The following CLTC variants were observed in gnomAD, a reference collection of about 807,000 sequenced individuals.
CLTC encodes the protein clathrin heavy chain.
A neutral mutation model predicts 195.8 loss-of-function variants in CLTC; 16 were observed. The ratio of observed to expected loss-of-function variants is 0.08; its 90% CI spans 0.06 to 0.12. The LOEUF (loss-of-function observed/expected upper bound fraction) is 0.12. CLTC is among the 10% of genes least tolerant of loss of function. The pLI, the probability that CLTC is intolerant of heterozygous loss-of-function variation, is 1.00. For synonymous variants in CLTC, 667 were observed against 689.4 expected, an observed-to-expected ratio of 0.97 and a Z score of 0.51; for missense variants, 796 against 2,027.0, an observed-to-expected ratio of 0.39 and a Z score of 11.66.
intron 10 of CLTC, among the ~76,000 whole-genome samples, chr17:59,665,378 CATCTT>C (rs1272159448): frequency 6.6e-6 from 1 of 152,100 alleles, no homozygotes; most frequent in Non-Finnish European, 1.5e-5. Context: ...GCAAAACAAA[CATCTT>C]ATTTAGAGAT....
At position 59,681,276 on chromosome 17, in the gene CLTC, ATT is replaced by A; in HGVS notation, c.3066-18_3066-17del. On this transcript the variant is annotated splice_polypyrimidine_tract_variant and intron_variant, in intron 19 of 31. Coordinates refer to ENST00000269122, the MANE Select transcript of CLTC (RefSeq NM_004859.4). The surrounding 1 kb of genome is among the most constrained non-coding windows in gnomAD (Gnocchi z 5.0). ...AAACTTAAAATATTGCATTTAAAATATTCTTTTTTTTCTTAAAGGAATCTGCA... is the reference window on the plus strand; with the variant it reads ...AAACTTAAAATATTGCATTTAAAATACTTTTTTTTCTTAAAGGAATCTGCA... 6.3e-7 allele frequency: 1 copy of A among 1,584,276 alleles called. No homozygotes were observed. The highest frequency in any genetic ancestry group is 1.4e-5 in the African/African-American group (1 of 73,418).
chr17:59,624,466 T>G (rs941463456), intron 1 of CLTC, among the ~76,000 whole-genome samples: 1 of 142,936 alleles, frequency 7.0e-6, no homozygotes, highest in East Asian at 2.1e-4. Flanking sequence ...TTTTTTTTTT[T>G]TTTTTTTTTT....
intron 16 of CLTC, among the ~76,000 whole-genome samples, chr17:59,676,057 T>C (rs887940839): frequency 7.9e-5 from 12 of 152,200 alleles, no homozygotes; most frequent in African/African-American, 2.9e-4. Flanking sequence ...AAAAGAGGCT[T>C]GGGCCAGGCG....
At chr17:59,672,545 TAGTGC>T (rs1163147215) in intron 14 of CLTC, among the ~76,000 whole-genome samples, 1 of 152,198 alleles carries the variant, frequency 6.6e-6, no homozygotes, top group African/African-American at 2.4e-5. Flanking sequence ...TAACAGCTAT[TAGTGC>T]AGAGTTTCCA....
Position 59,685,819 on chromosome 17 carries a change from T to A in CLTC, c.4827+11T>A. ...GAGTACTTGACAAAGGTAATGACTCTTCTAAGTGTATTCAGAACTAGTTTC... is the reference window on the plus strand; with the variant it reads ...GAGTACTTGACAAAGGTAATGACTCATCTAAGTGTATTCAGAACTAGTTTC... On this transcript the variant is annotated intron_variant, in intron 30 of 31. Coordinates refer to ENST00000269122, the MANE Select transcript of CLTC (RefSeq NM_004859.4). This position sits in a 1 kb window ranked among gnomAD's most constrained non-coding sequence, Gnocchi z 5.0. The A allele has an allele frequency of 6.3e-7, 1 of 1,589,168 alleles. No individual in the cohort carries two copies. Among genetic ancestry groups the A allele is most frequent in the Non-Finnish European group, 8.6e-7 (1 of 1,162,870 alleles).
At chr17:59,620,737 T>C (rs1412813455) in intron 1 of CLTC, among the ~76,000 whole-genome samples, 1 of 152,040 alleles carries the variant, frequency 6.6e-6, no homozygotes, top group Non-Finnish European at 1.5e-5. Flanking sequence ...GGCGGTGGCT[T>C]TTCTCTTGCC....
chr17:59,640,040 T>C (rs771442485), intron 1 of CLTC, among the ~76,000 whole-genome samples: 4 of 152,216 alleles, frequency 2.6e-5, no homozygotes, highest in Non-Finnish European at 5.9e-5. Context: ...GAATACTTTA[T>C]GGTTACTATG....
chr17:59,659,485 C>T (rs1181745182), intron 6 of CLTC, among the ~76,000 whole-genome samples: 3 of 147,318 alleles, frequency 2.0e-5, no homozygotes, highest in Non-Finnish European at 4.5e-5. Flanking sequence ...GAGTCTCCCT[C>T]TGTTGCCCAG....
intron 2 of CLTC, among the ~76,000 whole-genome samples, chr17:59,645,018 C>T (rs566512495): frequency 5.3e-5 from 8 of 152,166 alleles, no homozygotes; most frequent in African/African-American, 1.9e-4. Flanking sequence ...CATATATCTA[C>T]TTAGAATAAT....
intron 16 of CLTC, 122 bp from the exon 17 acceptor site, chr17:59,676,832 G>A (rs2032977048): frequency 1.4e-6 from 1 of 714,620 alleles, no homozygotes; most frequent in Non-Finnish European, 2.3e-6. Flanking sequence ...ATACTCGGGG[G>A]GCGGGGAAAA....
At chr17:59,693,442 G>A (rs955334285) in intron 31 of CLTC, among the ~76,000 whole-genome samples, 1 of 150,294 alleles carries the variant, frequency 6.7e-6, no homozygotes, top group Non-Finnish European at 1.5e-5. Context: ...AGTGTAATAT[G>A]CATGTAGGTA....
intron 30 of CLTC, among the ~76,000 whole-genome samples, chr17:59,687,572 A>G (rs1409040762): frequency 6.6e-6 from 1 of 151,670 alleles, no homozygotes; most frequent in Non-Finnish European, 1.5e-5. Flanking sequence ...TAGATACGAG[A>G]GATACTAGCT....
rs746104592 is a variant in CLTC at position 59,661,565 on chromosome 17, C to T, written c.1290C>T (p.Tyr430=). Residue 430 remains tyrosine (Y), a synonymous_variant, in exon 8 of 32, where the codon TAC becomes TAT. Transcript: ENST00000269122. The part of the protein sequence containing the change: ...ILLDQGQLNK[Y]ESLELCRPVL... ...TGGACCAGGGACAGCTCAACAAATA[C>T]GAATCCTTAGAGCTTTGTAGGCCTG... 24 of 1,613,962 alleles carry T rather than the reference C, an allele frequency of 1.5e-5. No individual in the cohort carries two copies. The highest frequency in any genetic ancestry group is 1.0e-4 in the Admixed American group (6 of 59,996).
intron 1 of CLTC, among the ~76,000 whole-genome samples, chr17:59,640,640 C>T (rs2032001563): frequency 6.6e-6 from 1 of 151,644 alleles, no homozygotes. Context: ...CCTCGTGATC[C>T]ACGCCCCCTT....
intron 1 of CLTC, among the ~76,000 whole-genome samples, chr17:59,630,569 C>T (rs754619534): frequency 2.6e-4 from 39 of 152,158 alleles, no homozygotes; most frequent in Non-Finnish European, 1.0e-4. Context: ...GAAGCAGTCC[C>T]TCTCCCATCC....
chr17:59,638,678 G>T (rs1442542388), intron 1 of CLTC, among the ~76,000 whole-genome samples: 2 of 152,068 alleles, frequency 1.3e-5, no homozygotes, highest in Admixed American at 6.5e-5. Context: ...TTCACAATAG[G>T]GTTCGCGTGC....
chr17:59,662,789 G>A (rs1016782200), intron 8 of CLTC, among the ~76,000 whole-genome samples: 1 of 152,156 alleles, frequency 6.6e-6, no homozygotes, highest in Non-Finnish European at 1.5e-5. Flanking sequence ...TTAAGATAAG[G>A]CAGGGCTGAG....
intron 30 of CLTC, chr17:59,687,052 C>T (rs1463697541): frequency 1.0e-6 from 1 of 978,494 alleles, no homozygotes; most frequent in East Asian, 1.1e-4. Flanking sequence ...ATCTTTAAGT[C>T]TGGAGGACTA....
At chr17:59,693,455 T>A (rs1203002047) in intron 31 of CLTC, among the ~76,000 whole-genome samples, 1 of 151,954 alleles carries the variant, frequency 6.6e-6, no homozygotes, top group Non-Finnish European at 1.5e-5. Flanking sequence ...TGTAGGTATG[T>A]GTCAAGTATA....
Sources: allele counts gnomAD v4.1 joint callset (sites outside exome capture counted in the v4.1 genomes callset), GRCh38; gene constraint gnomAD v4.1.1; non-coding constraint Gnocchi (gnomAD v3.1); transcripts MANE v1.5; gene names NCBI Gene and HGNC (gene_info 2026-07-23, HGNC 2026-07-21).